CTBP2: variants seen among roughly 807,000 people sequenced by gnomAD.
The protein encoded by CTBP2 is C-terminal binding protein 2.
Under a neutral mutation model 80.3 loss-of-function variants are expected in CTBP2, and 30 were observed. The ratio of observed to expected loss-of-function variants is 0.37; its 90% CI spans 0.28 to 0.51. CTBP2 has a LOEUF of 0.51. Among genes scored for constraint, CTBP2 ranks in the 20% least tolerant of loss-of-function variants. The pLI is 0.93. For missense variants in CTBP2, 1,212 were observed against 1,375.3 expected (o/e 0.88, Z 1.88); for synonymous variants, 594 against 587.4 (o/e 1.01, Z -0.16).
chr10:124,997,901 G>A (rs1953853449), intron 4 of CTBP2, 63 bp downstream of exon 6: 70 of 1,538,678 alleles, frequency 4.5e-5, no homozygotes, highest in Non-Finnish European at 6.0e-5. Context: ...TTCCCGAGGG[G>A]TCCCCACTAC....
At chr10:125,025,823 A>C (rs931432407) in intron 1 of CTBP2, among the ~76,000 whole-genome samples, 10 of 151,316 alleles carry the variant, frequency 6.6e-5, no homozygotes, top group Admixed American at 1.3e-4. Flanking sequence ...CGTAATGGGA[A>C]ATCTACACAT....
intron 2 of CTBP2, among the ~76,000 whole-genome samples, chr10:125,041,265 G>A (rs1356806530): frequency 6.6e-6 from 1 of 152,158 alleles, no homozygotes; most frequent in Non-Finnish European, 1.5e-5. Flanking sequence ...ATTTTTTGAA[G>A]AGATGGGGTT....
chr10:125,065,230 T>C (rs1276105661), intron 2 of CTBP2, among the ~76,000 whole-genome samples: 1 of 152,150 alleles, frequency 6.6e-6, no homozygotes, highest in Non-Finnish European at 1.5e-5. Flanking sequence ...CCAGCCATCA[T>C]CAGATCCAAA....
rs1276552037 is a variant in CTBP2, at chr10:124,989,397, A to G, written c.*121T>C. The G allele has an allele frequency of 4.6e-6, 5 of 1,086,974 alleles. No individual in the cohort carries two copies. The highest frequency in any genetic ancestry group is 2.9e-4 in the Middle Eastern group (1 of 3,422). 67.3% of individuals were successfully genotyped at this position (1,086,974 alleles called of 1,614,324 possible). On this transcript the variant is annotated 3_prime_UTR_variant, in exon 9 of 9. Coordinates refer to ENST00000309035, the MANE Select transcript of CTBP2 (RefSeq NM_022802.3). ...TTGTAGTTTCAACACTGCAACATCA[A>G]TGATGCATATGTCCAGAATCAGTTA... is the stretch of plus-strand genomic sequence containing the variant.
chr10:125,127,893 A>G (rs527511360), intron 1 of CTBP2, among the ~76,000 whole-genome samples: 3 of 152,296 alleles, frequency 2.0e-5, no homozygotes, highest in South Asian at 2.1e-4. Context: ...CCCTCCCCCA[A>G]TCTCAACCCC....
intron 1 of CTBP2, among the ~76,000 whole-genome samples, chr10:125,011,704 A>G (rs925578012): frequency 2.0e-5 from 3 of 152,218 alleles, no homozygotes; most frequent in African/African-American, 7.2e-5. Flanking sequence ...TGCAGCCCGC[A>G]CCCTGCAGTG....
rs183020994 is a variant in CTBP2 at position 125,103,617 on chromosome 10, G to A, written c.-102+7373C>T. Among the ~76,000 whole-genome samples the A allele has an allele frequency of 2.0e-3, 307 of 152,248 alleles. 2 individuals are homozygous for A. Among genetic ancestry groups the A allele is most frequent in the African/African-American group, 6.9e-3 (286 of 41,548 alleles). On this transcript the variant is annotated intron_variant, in intron 2 of 10. Coordinates refer to the CTBP2 transcript ENST00000337195. ...AAAGCCAACCCCAGGAGGTACAGAC[G>A]CTTCTGCGACATGCAGAAGAGACAA...
intron 2 of CTBP2, among the ~76,000 whole-genome samples, chr10:125,102,035 T>A (rs1850704997): frequency 6.6e-6 from 1 of 152,210 alleles, no homozygotes; most frequent in African/African-American, 2.4e-5. Context: ...CAGTCATTCT[T>A]GACTAAGCTC....
At chr10:124,995,709 A>G (rs1187350763) in intron 4 of CTBP2, among the ~76,000 whole-genome samples, 1 of 152,228 alleles carries the variant, frequency 6.6e-6, no homozygotes, top group East Asian at 1.9e-4. Context: ...GACAACTAGT[A>G]TAGCAAGGCA....
chr10:125,099,146 G>A (rs1333965572), intron 2 of CTBP2, among the ~76,000 whole-genome samples: 1 of 152,208 alleles, frequency 6.6e-6, no homozygotes, highest in East Asian at 1.9e-4. Context: ...AAAAGGCTGT[G>A]GAGCAGAACA....
chr10:125,011,289 AG>A (rs1265306469), intron 1 of CTBP2, among the ~76,000 whole-genome samples: 1 of 152,248 alleles, frequency 6.6e-6, no homozygotes, highest in East Asian at 1.9e-4. Flanking sequence ...CCTGATAAAT[AG>A]ATTTGCTTCT....
At chr10:125,005,909 C>T in intron 1 of CTBP2, 1 of 1,511,206 alleles carries the variant, frequency 6.6e-7, no homozygotes, top group East Asian at 2.3e-5. Context: ...TATAAGAAAT[C>T]CAAGCTGTTC....
intron 2 of CTBP2, among the ~76,000 whole-genome samples, chr10:125,056,731 T>C (rs1245265827): frequency 6.6e-5 from 10 of 152,226 alleles, no homozygotes; most frequent in African/African-American, 2.4e-4. Flanking sequence ...TCGAGGGATG[T>C]TGGCTACAGA....
Position 125,027,647 on chromosome 10 carries a change from C to T in CTBP2, c.113G>A (p.Arg38Lys). The T allele has an allele frequency of 6.2e-7, 1 of 1,614,076 alleles. No homozygotes were observed. Among genetic ancestry groups the T allele is most frequent in the Non-Finnish European group, 8.5e-7 (1 of 1,180,026 alleles). The change falls in exon 1 of 9, where the codon AGA (arginine) becomes AAA (lysine). Residue 38 changes from arginine to lysine, a missense_variant. Arg to Lys is a conservative substitution (Grantham distance 26, BLOSUM62 2). This residue lies in a region of CTBP2 where 848 missense variants were observed against 782.3 expected (regional missense o/e 1.08). Coordinates refer to ENST00000309035, the MANE Select transcript of CTBP2 (RefSeq NM_022802.3). Reference sequence around the variant, plus strand: ...TGCTGTGCCATACGTCAGGGAGCTTCTCCTCCCCAGAGGCCGCAGGGACTC... The same window carrying T: ...TGCTGTGCCATACGTCAGGGAGCTTTTCCTCCCCAGAGGCCGCAGGGACTC...
At chr10:125,139,544 G>A (rs990698071) in intron 1 of CTBP2, among the ~76,000 whole-genome samples, 2 of 151,558 alleles carry the variant, frequency 1.3e-5, no homozygotes, top group East Asian at 1.9e-4. Flanking sequence ...TTTTTTTCTC[G>A]ACTGTTCATT....
At chr10:125,025,934 C>A in intron 1 of CTBP2, 1 of 1,097,552 alleles carries the variant, frequency 9.1e-7, no homozygotes, top group East Asian at 2.5e-5. Flanking sequence ...GTCAACTGGC[C>A]ACAGTGCTGC....
At chr10:125,098,710 GAGAGAGAGAGAGAC>G (rs1564914163) in intron 2 of CTBP2, among the ~76,000 whole-genome samples, 106 of 131,714 alleles carry the variant, frequency 8.0e-4, no homozygotes, top group African/African-American at 2.8e-3. Flanking sequence ...GAGAGAGACA[GAGAGAGAGAGAGAC>G]AGAGAGAGAG....
chr10:125,131,192 C>T (rs542507682), intron 1 of CTBP2, among the ~76,000 whole-genome samples: 16 of 152,180 alleles, frequency 1.1e-4, no homozygotes, highest in Non-Finnish European at 1.8e-4. Flanking sequence ...ATTTCCACTG[C>T]GGGATTCAGA....
chr10:125,005,977 G>A (rs756584218), intron 1 of CTBP2: 70 of 1,463,280 alleles, frequency 4.8e-5, no homozygotes, highest in South Asian at 4.6e-4. Context: ...ATCCAGAGCC[G>A]CTGATGCGTC....
Sources: allele counts gnomAD v4.1 joint callset (sites outside exome capture counted in the v4.1 genomes callset), GRCh38; gene constraint gnomAD v4.1.1; regional missense constraint gnomAD v4.1.1; transcripts MANE v1.5; gene names NCBI Gene and HGNC (gene_info 2026-07-23, HGNC 2026-07-21).